Variants in TRIO observed in about 807,000 individuals in gnomAD.
TRIO encodes trio Rho guanine nucleotide exchange factor.
Under a neutral mutation model 351.9 loss-of-function variants are expected in TRIO, and 58 were observed. That is an observed-to-expected ratio of 0.16 (90% CI 0.13 to 0.21). The LOEUF is 0.21. TRIO is among the 10% of genes least tolerant of loss of function. The pLI is 1.00. For missense variants in TRIO, 3,201 were observed against 4,027.8 expected (o/e 0.79, Z 5.56); for synonymous variants, 1,758 against 1,595.7 (o/e 1.10, Z -2.42).
rs879422766 is a variant in TRIO at position 14,359,269 on chromosome 5, T to A, written c.2217-88T>A. ...GCAGTGCAGCTTCCTGCCAGCTTTC[T>A]TCCCCTGAAGATTTGCGTGGCCGGA... On this transcript the variant is annotated intron_variant, in intron 12 of 56. Coordinates refer to ENST00000344204, the MANE Select transcript of TRIO (RefSeq NM_007118.4). 5 of 1,502,914 alleles carry A rather than the reference T, an allele frequency of 3.3e-6. No individual in the cohort carries two copies. The Admixed American group carries it at 9.4e-5, about 28-fold the overall frequency. The allele number at this position is 1,502,914 out of a possible 1,614,324, so 93.1% of individuals were successfully genotyped here. A position where few individuals can be genotyped will look rare whatever the true frequency, so the allele number is the denominator to read the frequency against.
intron 1 of TRIO, among the ~76,000 whole-genome samples, chr5:14,155,420 C>T (rs987263527): frequency 1.3e-5 from 2 of 152,196 alleles, no homozygotes; most frequent in Non-Finnish European, 2.9e-5. Flanking sequence ...TGATCTAAAT[C>T]ACTAACTTTA....
At chr5:14,405,406 G>C (rs374794769) in intron 31 of TRIO, among the ~76,000 whole-genome samples, 1 of 152,216 alleles carries the variant, frequency 6.6e-6, no homozygotes, top group Non-Finnish European at 1.5e-5. Context: ...CAGCTGCGCC[G>C]CTGTTCCCTG....
intron 1 of TRIO, among the ~76,000 whole-genome samples, chr5:14,233,374 C>T (rs963152743): frequency 6.7e-6 from 1 of 150,050 alleles, no homozygotes; most frequent in African/African-American, 2.5e-5. Context: ...TCTGTAGTCC[C>T]AGCTACTTGG....
At chr5:14,422,858 C>G (rs1030095831) in intron 34 of TRIO, among the ~76,000 whole-genome samples, 3 of 152,184 alleles carry the variant, frequency 2.0e-5, no homozygotes, top group African/African-American at 7.2e-5. Flanking sequence ...GGTGCGGTGG[C>G]ACACACCTGT....
intron 47 of TRIO, among the ~76,000 whole-genome samples, chr5:14,486,284 A>G (rs571544605): frequency 2.6e-5 from 4 of 152,254 alleles, no homozygotes; most frequent in East Asian, 3.9e-4. Flanking sequence ...AGGATGTTGT[A>G]ATGTTCTCTG....
intron 11 of TRIO, among the ~76,000 whole-genome samples, chr5:14,353,529 T>C (rs1448166650): frequency 6.6e-6 from 1 of 152,094 alleles, no homozygotes; most frequent in Non-Finnish European, 1.5e-5. Context: ...CTCTGAGTGC[T>C]GGGAAATACA....
At chr5:14,225,583 C>T (rs546282192) in intron 1 of TRIO, among the ~76,000 whole-genome samples, 16 of 152,120 alleles carry the variant, frequency 1.1e-4, no homozygotes, top group Non-Finnish European at 2.4e-4. Flanking sequence ...CTGGAGGCCA[C>T]TCTCAGGTCC....
chr5:14,270,507 T>A (rs986360590), intron 1 of TRIO, among the ~76,000 whole-genome samples: 1 of 152,256 alleles, frequency 6.6e-6, no homozygotes, highest in African/African-American at 2.4e-5. Flanking sequence ...TACATAAAAA[T>A]TAAGATTTGG....
chr5:14,265,294 T>C (rs1366388575), intron 1 of TRIO, among the ~76,000 whole-genome samples: 1 of 152,172 alleles, frequency 6.6e-6, no homozygotes, highest in Admixed American at 6.5e-5. Context: ...GGTCAAGGAA[T>C]AACTGTGTTT....
intron 11 of TRIO, among the ~76,000 whole-genome samples, chr5:14,342,635 C>G (rs553840824): frequency 1.3e-5 from 2 of 152,356 alleles, no homozygotes; most frequent in Admixed American, 6.5e-5. Flanking sequence ...CCTTATATCT[C>G]TTGTGCAAAG....
intron 26 of TRIO, among the ~76,000 whole-genome samples, chr5:14,390,662 G>C (rs1272978374): frequency 6.6e-6 from 1 of 152,198 alleles, no homozygotes; most frequent in East Asian, 1.9e-4. Flanking sequence ...CTCTGCACGC[G>C]TGACTGTGGA....
intron 34 of TRIO, among the ~76,000 whole-genome samples, chr5:14,430,769 G>A (rs1487470850): frequency 6.6e-6 from 1 of 151,926 alleles, no homozygotes; most frequent in Non-Finnish European, 1.5e-5. Context: ...AGGCTGGAGT[G>A]CAGTGGCATG....
chr5:14,197,838 G>A (rs1181246781), intron 1 of TRIO, among the ~76,000 whole-genome samples: 1 of 152,178 alleles, frequency 6.6e-6, no homozygotes, highest in Admixed American at 6.5e-5. Flanking sequence ...AAGGAACCCT[G>A]AATATAAGGT....
chr5:14,396,283 G>C (rs1415161401), intron 28 of TRIO, among the ~76,000 whole-genome samples: 1 of 151,866 alleles, frequency 6.6e-6, no homozygotes, highest in Non-Finnish European at 1.5e-5. Context: ...CTGCTGCGTG[G>C]ATTGGCTGGT....
At chr5:14,454,772 G>A (rs1753132916) in intron 34 of TRIO, among the ~76,000 whole-genome samples, 1 of 152,180 alleles carries the variant, frequency 6.6e-6, no homozygotes, top group Non-Finnish European at 1.5e-5. Flanking sequence ...GAAATTGTTG[G>A]GTTCTTGGTC....
intron 11 of TRIO, among the ~76,000 whole-genome samples, chr5:14,340,484 G>C (rs895667304): frequency 2.0e-5 from 3 of 152,018 alleles, no homozygotes; most frequent in Middle Eastern, 6.8e-3. Context: ...AAAGGCTCTC[G>C]TGACAGAAGT....
chr5:14,368,570 T>C (rs1329728785), intron 16 of TRIO, 138 bp from the exon 17 acceptor site: 1 of 889,306 alleles, frequency 1.1e-6, no homozygotes, highest in Non-Finnish European at 1.6e-6. Context: ...GCTGTGCTTT[T>C]AGAAGCATCC....
intron 1 of TRIO, among the ~76,000 whole-genome samples, chr5:14,218,790 C>T (rs1792390223): frequency 6.6e-6 from 1 of 152,212 alleles, no homozygotes; most frequent in African/African-American, 2.4e-5. Context: ...TTAGATGGGG[C>T]ACCAATTCCT....
chr5:14,349,469 C>T (rs1742836111), intron 11 of TRIO, among the ~76,000 whole-genome samples: 1 of 152,086 alleles, frequency 6.6e-6, no homozygotes, highest in African/African-American at 2.4e-5. Flanking sequence ...TTAGAGGAGT[C>T]ATTTCATTAA....
Sources: allele counts gnomAD v4.1 joint callset (sites outside exome capture counted in the v4.1 genomes callset), GRCh38; gene constraint gnomAD v4.1.1; transcripts MANE v1.5; gene names NCBI Gene and HGNC (gene_info 2026-07-23, HGNC 2026-07-21).